SLC35F1: variants seen among roughly 807,000 people sequenced by gnomAD.
The protein encoded by SLC35F1 is solute carrier family 35 member F1, also known as chromosome 6 open reading frame 169.
In SLC35F1, 14 loss-of-function variants were observed where a neutral mutation model predicts 48.7. That is an observed-to-expected ratio of 0.29 (90% CI 0.19 to 0.45). The LOEUF is 0.45. SLC35F1 is among the 20% of genes least tolerant of loss of function. SLC35F1 has a pLI of 1.00. For missense variants in SLC35F1, 404 were observed against 500.0 expected, an observed-to-expected ratio of 0.81 and a Z score of 1.83; for synonymous variants, 190 against 202.2, an observed-to-expected ratio of 0.94 and a Z score of 0.51.
intron 1 of SLC35F1, among the ~76,000 whole-genome samples, chr6:117,921,092 T>A (rs1467438363): frequency 7.0e-6 from 1 of 143,672 alleles, no homozygotes; most frequent in Non-Finnish European, 1.5e-5. Context: ...ACACACACAC[T>A]TACTTAGACT....
At chr6:118,231,379 C>G (rs1775291173) in intron 2 of SLC35F1, among the ~76,000 whole-genome samples, 1 of 152,040 alleles carries the variant, frequency 6.6e-6, no homozygotes, top group South Asian at 2.1e-4. Context: ...ATAGATGGCC[C>G]TGTTTCATGA....
intron 2 of SLC35F1, among the ~76,000 whole-genome samples, chr6:118,162,579 A>G (rs1459189122): frequency 6.6e-6 from 1 of 152,216 alleles, no homozygotes; most frequent in Non-Finnish European, 1.5e-5. Context: ...AAAATTAACT[A>G]CTATAACTCG....
chr6:117,979,616 A>T (rs957164347), intron 1 of SLC35F1, among the ~76,000 whole-genome samples: 2 of 152,202 alleles, frequency 1.3e-5, no homozygotes, highest in South Asian at 2.1e-4. Context: ...TACATCAAAA[A>T]GAGAAAATCT....
At chr6:117,983,355 T>A (rs1776806912) in intron 1 of SLC35F1, among the ~76,000 whole-genome samples, 2 of 152,052 alleles carry the variant, frequency 1.3e-5, no homozygotes, top group Admixed American at 6.6e-5. Context: ...GGCTGGCGGA[T>A]CACGAGGTCA....
At chr6:117,999,416 G>T in intron 1 of SLC35F1, 2 of 1,585,278 alleles carry the variant, frequency 1.3e-6, no homozygotes, top group Non-Finnish European at 1.7e-6. Flanking sequence ...GGCTCCCAAA[G>T]GTACCCAGGC....
At chr6:117,984,130 A>C (rs961337354) in intron 1 of SLC35F1, among the ~76,000 whole-genome samples, 1 of 152,158 alleles carries the variant, frequency 6.6e-6, no homozygotes, top group Non-Finnish European at 1.5e-5. Context: ...TATAACCTCT[A>C]TCTTCAGTTA....
At chr6:118,177,491 A>G (rs927845765) in intron 2 of SLC35F1, among the ~76,000 whole-genome samples, 1 of 152,078 alleles carries the variant, frequency 6.6e-6, no homozygotes, top group African/African-American at 2.4e-5. Context: ...ATGCTTCATT[A>G]TAAAAACTCT....
chr6:118,005,968 A>T (rs370624445), intron 1 of SLC35F1, among the ~76,000 whole-genome samples: 15 of 152,198 alleles, frequency 9.9e-5, no homozygotes, highest in African/African-American at 3.4e-4. Flanking sequence ...TTTGTTAATT[A>T]TATAAGTTTA....
chr6:117,978,654 G>T (rs186883985), intron 1 of SLC35F1, among the ~76,000 whole-genome samples: 1 of 152,068 alleles, frequency 6.6e-6, no homozygotes, highest in Non-Finnish European at 1.5e-5. Flanking sequence ...TTCCCATTCT[G>T]TCTCACTTAC....
intron 1 of SLC35F1, among the ~76,000 whole-genome samples, chr6:118,069,446 CT>C (rs1361765878): frequency 6.6e-6 from 1 of 152,082 alleles, no homozygotes; most frequent in Admixed American, 6.6e-5. Flanking sequence ...TATTTAATAT[CT>C]TTTTTTCCAG....
chr6:117,961,254 T>C (rs1417329602), intron 1 of SLC35F1, among the ~76,000 whole-genome samples: 1 of 152,198 alleles, frequency 6.6e-6, no homozygotes, highest in Non-Finnish European at 1.5e-5. Flanking sequence ...GAAGAATCTC[T>C]AGCAGATTCA....
chr6:118,183,742 T>G (rs759389548), intron 2 of SLC35F1, among the ~76,000 whole-genome samples: 1 of 152,262 alleles, frequency 6.6e-6, no homozygotes, highest in South Asian at 2.1e-4. Context: ...GAATAGGGCT[T>G]AGTTAGGCCT....
At chr6:118,035,163 G>A (rs1772108153) in intron 1 of SLC35F1, among the ~76,000 whole-genome samples, 1 of 151,994 alleles carries the variant, frequency 6.6e-6, no homozygotes, top group Non-Finnish European at 1.5e-5. Flanking sequence ...AAATTAATTG[G>A]CATAAAATTG....
At chr6:118,015,026 G>A (rs1777300952) in intron 1 of SLC35F1, among the ~76,000 whole-genome samples, 1 of 152,164 alleles carries the variant, frequency 6.6e-6, no homozygotes, top group South Asian at 2.1e-4. Flanking sequence ...CTGTTCTCAT[G>A]GTCGTGAATA....
chr6:118,240,044 A>T (rs1181852528), intron 3 of SLC35F1, among the ~76,000 whole-genome samples: 4 of 152,200 alleles, frequency 2.6e-5, no homozygotes, highest in Non-Finnish European at 4.4e-5. Flanking sequence ...TATTAATTGA[A>T]CACATAGTAT....
chr6:118,225,003 T>C (rs1329612697), intron 2 of SLC35F1, among the ~76,000 whole-genome samples: 1 of 152,058 alleles, frequency 6.6e-6, no homozygotes, highest in African/African-American at 2.4e-5. Flanking sequence ...AAATATAAAA[T>C]ACTGATGAAA....
chr6:118,228,531 C>T (rs967469583), intron 2 of SLC35F1, among the ~76,000 whole-genome samples: 18 of 151,874 alleles, frequency 1.2e-4, no homozygotes, highest in African/African-American at 4.1e-4. Flanking sequence ...GACGAAATCC[C>T]GACTCTATAA....
chr6:117,951,960 TG>T (rs1776368031), intron 1 of SLC35F1, among the ~76,000 whole-genome samples: 1 of 152,262 alleles, frequency 6.6e-6, no homozygotes, highest in Non-Finnish European at 1.5e-5. Context: ...GAAAGGAACC[TG>T]AACTTACAGC....
intron 1 of SLC35F1, among the ~76,000 whole-genome samples, chr6:118,074,372 G>A (rs953208776): frequency 2.0e-5 from 3 of 152,172 alleles, no homozygotes; most frequent in African/African-American, 7.2e-5. Context: ...TGTGCAACCT[G>A]ACTGTCAGGT....
Sources: gnomAD v4.1 joint callset for allele counts (sites outside exome capture counted in the v4.1 genomes callset) on GRCh38, gnomAD v4.1.1 for gene constraint, MANE v1.5 for transcripts, NCBI Gene and HGNC (gene_info 2026-07-23, HGNC 2026-07-21) for gene names.